MAL: variants seen among roughly 807,000 people sequenced by gnomAD.
The protein encoded by MAL is mal, T cell differentiation protein (MAL blood group), also known as myelin and lymphocyte protein.
A neutral mutation model predicts 16.7 loss-of-function variants in MAL; 5 were observed. The ratio of observed to expected loss-of-function variants is 0.30; its 90% confidence interval spans 0.16 to 0.63. The LOEUF (loss-of-function observed/expected upper bound fraction) is 0.63, where lower values mean the gene tolerates loss of function less well. MAL is among the 30% of genes least tolerant of loss of function. The pLI, the probability that MAL is intolerant of heterozygous loss-of-function variation, is 0.82. For synonymous variants in MAL, 96 were observed against 85.5 expected, an observed-to-expected ratio of 1.12 and a Z score of -0.67; for missense variants, 202 against 195.8, an observed-to-expected ratio of 1.03 and a Z score of -0.19.
rs144443202 is a variant in MAL, at chr2:95,049,903, G to A, written c.387+197G>A. On this transcript the variant is annotated intron_variant, in intron 3 of 3. Transcript: ENST00000309988. ...GTTGTGCCCAAGACTCCGCTTAGTCGTCCGGCCAGGGCTGCATGCCCCAGG... is the reference window on the plus strand; with the variant it reads ...GTTGTGCCCAAGACTCCGCTTAGTCATCCGGCCAGGGCTGCATGCCCCAGG... Among the ~76,000 whole-genome samples, 1,160 of 152,156 alleles carry A rather than the reference G, an allele frequency of 7.6e-3. 15 individuals are homozygous for A. Among genetic ancestry groups the A allele is most frequent in the African/African-American group, 0.026 (1,096 of 41,512 alleles).
At chr2:95,043,350 C>G (rs2104352667) in intron 1 of MAL, among the ~76,000 whole-genome samples, 2 of 152,376 alleles carry the variant, frequency 1.3e-5, no homozygotes, top group East Asian at 3.9e-4. Context: ...ATTGGTAGTG[C>G]TGGGCTCAGT....
chr2:95,032,720 T>C (rs543431025), intron 1 of MAL, among the ~76,000 whole-genome samples: 2 of 152,296 alleles, frequency 1.3e-5, no homozygotes, highest in African/African-American at 4.8e-5. Context: ...AAATTGCCTT[T>C]GACACCCTGG....
In MAL at chr2:95,049,185, AAAACG is replaced by A. The variant is rs200191863; in HGVS notation, c.262-392_262-388del. ...GAAACAAAACAAAACAAAACAAAAC[AAAACG>A]AAAGAAACAGCATGGTCCTCCCTCA... On this transcript the variant is annotated intron_variant, in intron 2 of 3. Coordinates refer to ENST00000309988, the MANE Select transcript of MAL (RefSeq NM_002371.4). Among the ~76,000 whole-genome samples the A allele has an allele frequency of 7.6e-3, 1,156 of 152,322 alleles. 14 individuals are homozygous for A. Among genetic ancestry groups the A allele is most frequent in the African/African-American group, 0.026 (1,094 of 41,572 alleles).
rs1402794524 is a variant in MAL, at chr2:95,037,806, G to GAGTGAGTGAGTGACTC, written c.94-10137_94-10122dup. Among the ~76,000 whole-genome samples the GAGTGAGTGAGTGACTC allele has an allele frequency of 6.6e-5, 10 of 152,078 alleles. No individual in the cohort carries two copies. In the East Asian group the frequency reaches 1.7e-3, roughly 27 times the overall value. ...TGAGTGACTGTGTGAGTGACTAAGT[G>GAGTGAGTGAGTGACTC]AGTGAGTGAGTGACTCAGTGAGTGA... is the stretch of plus-strand genomic sequence containing the variant. On this transcript the variant is annotated intron_variant, in intron 1 of 3. Transcript: ENST00000309988.
intron 1 of MAL, among the ~76,000 whole-genome samples, chr2:95,039,786 C>T (rs796714298): frequency 1.6e-4 from 24 of 152,158 alleles, no homozygotes; most frequent in African/African-American, 5.8e-4. Context: ...GGAAGCTTCC[C>T]TCTGGCTTGC....
At chr2:95,043,126 C>G (rs1383420853) in intron 1 of MAL, among the ~76,000 whole-genome samples, 1 of 152,218 alleles carries the variant, frequency 6.6e-6, no homozygotes, top group Non-Finnish European at 1.5e-5. Context: ...TGGCATGTGC[C>G]CTTTCTGCCC....
chr2:95,042,006 G>A (rs1045034678), intron 1 of MAL, among the ~76,000 whole-genome samples: 1 of 152,096 alleles, frequency 6.6e-6, no homozygotes, highest in Non-Finnish European at 1.5e-5. Flanking sequence ...GCCTCCAAAC[G>A]CCCATGCACC....
chr2:95,053,372 T>G lies in MAL; in HGVS notation c.388-9T>G, dbSNP rs1486915719. The G allele has an allele frequency of 6.2e-7, 1 of 1,603,882 alleles. No homozygotes were observed. The highest frequency in any genetic ancestry group is 1.3e-5 in the African/African-American group (1 of 74,674). On this transcript the variant is annotated splice_polypyrimidine_tract_variant and intron_variant, in intron 3 of 3. Transcript: ENST00000309988. ...CAAACCCATTAACGGCCATTTCTCT[T>G]GGTTCCAGGTGTTCTCCTACATAGC... is the stretch of plus-strand genomic sequence containing the variant.
Position 95,048,045 on chromosome 2 carries a change from G to A in MAL, c.180G>A (p.Val60=). ...AGGGCTGGGTGATGTTCGTGTCTGT[G>A]TTCTGCTTCGTGGCCACCACCACCT... ...LVQGWVMFVS[V]FCFVATTTLI... Residue 60 remains valine, a synonymous_variant, in exon 2 of 4, where the codon GTG becomes GTA. Coordinates refer to ENST00000309988, the MANE Select transcript of MAL (RefSeq NM_002371.4). 6.2e-7 allele frequency: 1 copy of A among 1,613,966 alleles called. No homozygotes were observed. The highest frequency in any genetic ancestry group is 1.7e-5 in the Admixed American group (1 of 60,018).
At chr2:95,043,910 G>A (rs547590757) in intron 1 of MAL, among the ~76,000 whole-genome samples, 1 of 152,194 alleles carries the variant, frequency 6.6e-6, no homozygotes, top group African/African-American at 2.4e-5. Flanking sequence ...TGAGACATCT[G>A]TGACTACCTT....
At chr2:95,034,937 C>T (rs1027032048) in intron 1 of MAL, among the ~76,000 whole-genome samples, 1 of 152,206 alleles carries the variant, frequency 6.6e-6, no homozygotes, top group African/African-American at 2.4e-5. Flanking sequence ...CTGCCCACAT[C>T]CCTGGCACAG....
At chr2:95,031,489 G>A (rs563751609) in intron 1 of MAL, among the ~76,000 whole-genome samples, 47 of 152,328 alleles carry the variant, frequency 3.1e-4, no homozygotes, top group Admixed American at 4.6e-4. Context: ...GACTTGGAGC[G>A]GACATCTCGA....
intron 3 of MAL, 78 bp downstream of exon 3, chr2:95,049,784 C>G: frequency 1.3e-6 from 2 of 1,574,858 alleles, no homozygotes; most frequent in Non-Finnish European, 1.7e-6. Context: ...GCTGCCTAGG[C>G]CCTTGGTCTG....
Position 95,053,687 on chromosome 2 carries a change from T to C in MAL, c.*232T>C, listed in dbSNP as rs956439286. 3.4e-5 allele frequency: 19 copies of C among 552,014 alleles called. No individual in the cohort carries two copies. The highest frequency in any genetic ancestry group is 6.1e-5 in the Non-Finnish European group (19 of 309,182). 34.2% of individuals were successfully genotyped at this position (552,014 alleles called of 1,614,324 possible). On this transcript the variant is annotated 3_prime_UTR_variant, in exon 4 of 4. Transcript: ENST00000309988. ...CTTGCTGTGTCTAACCTCCAACTGC[T>C]GTGCTGTCTGCTAGGGTCACCTCCT... is the stretch of plus-strand genomic sequence containing the variant.
At chr2:95,043,700 G>A (rs949973436) in intron 1 of MAL, among the ~76,000 whole-genome samples, 6 of 152,178 alleles carry the variant, frequency 3.9e-5, no homozygotes, top group African/African-American at 1.4e-4. Flanking sequence ...CTCCTGACTC[G>A]GCTGTGCCTT....
intron 1 of MAL, among the ~76,000 whole-genome samples, chr2:95,034,749 A>G (rs1436731240): frequency 1.3e-5 from 2 of 152,004 alleles, no homozygotes; most frequent in East Asian, 3.9e-4. Flanking sequence ...CTTCATCTCC[A>G]TCTGTGGTCA....
chr2:95,047,955 G>A lies in MAL; in HGVS notation c.94-4G>A, dbSNP rs534821858. 188 of 1,612,478 alleles carry A rather than the reference G, an allele frequency of 1.2e-4. No homozygotes were observed. The South Asian group carries it at 2.0e-3, about 17-fold the overall frequency. The stretch of plus-strand genomic sequence containing the variant: ...CAAAACTCACCCCTCCTCCTCCCCC[G>A]CAGATCTTCGGGGGCCTGGTGTGGA... On this transcript the variant is annotated splice_polypyrimidine_tract_variant and splice_region_variant and intron_variant, in intron 1 of 3. Transcript: ENST00000309988.
In MAL at chr2:95,047,947, C is replaced by T. The variant is rs1381226349; in HGVS notation, c.94-12C>T. On this transcript the variant is annotated splice_polypyrimidine_tract_variant and intron_variant, in intron 1 of 3. Coordinates refer to ENST00000309988, the MANE Select transcript of MAL (RefSeq NM_002371.4). Reference sequence around the variant, plus strand: ...CTCTAGGCCAAAACTCACCCCTCCTCCTCCCCCGCAGATCTTCGGGGGCCT... The same window carrying T: ...CTCTAGGCCAAAACTCACCCCTCCTTCTCCCCCGCAGATCTTCGGGGGCCT... The T allele has an allele frequency of 1.2e-6, 2 of 1,611,726 alleles. No homozygotes were observed. The highest frequency in any genetic ancestry group is 1.7e-6 in the Non-Finnish European group (2 of 1,178,862).
In MAL at chr2:95,034,200, G is replaced by A. The variant is rs116832079; in HGVS notation, c.93+8315G>A. Among the ~76,000 whole-genome samples the A allele has an allele frequency of 4.4e-3, 675 of 152,264 alleles. 4 individuals carry two copies. Among genetic ancestry groups the A allele is most frequent in the Middle Eastern group, 0.024 (7 of 294 alleles). ...CACTTGACTTTTCCCTGGAGTCACCGAGTCCTGCACAGACACCACCTTCCT... is the reference window on the plus strand; with the variant it reads ...CACTTGACTTTTCCCTGGAGTCACCAAGTCCTGCACAGACACCACCTTCCT... On this transcript the variant is annotated intron_variant, in intron 1 of 3. Coordinates refer to ENST00000309988, the MANE Select transcript of MAL (RefSeq NM_002371.4).
Sources: gnomAD v4.1 joint callset for allele counts (sites outside exome capture counted in the v4.1 genomes callset) on GRCh38, gnomAD v4.1.1 for gene constraint, MANE v1.5 for transcripts, NCBI Gene and HGNC (gene_info 2026-07-23, HGNC 2026-07-21) for gene names.